SAMMSON: variants seen among roughly 807,000 people sequenced by gnomAD.
The protein encoded by SAMMSON is survival associated mitochondrial melanoma specific oncogenic non-coding RNA.
intron 4 of SAMMSON, among the ~76,000 whole-genome samples, chr3:70,190,586 C>T (rs928970383): frequency 4.6e-5 from 7 of 152,136 alleles, no homozygotes; most frequent in Admixed American, 6.5e-5. Context: ...TATTCAAGTA[C>T]GTTTGGTTAC....
chr3:70,059,929 C>T (rs1176070257), intron 3 of SAMMSON, among the ~76,000 whole-genome samples: 2 of 152,088 alleles, frequency 1.3e-5, no homozygotes, highest in African/African-American at 4.8e-5. Context: ...GACAGACTGT[C>T]TTGAAGATCC....
At chr3:70,386,913 A>C (rs1252963765) in intron 9 of SAMMSON, among the ~76,000 whole-genome samples, 1 of 152,112 alleles carries the variant, frequency 6.6e-6, no homozygotes, top group Non-Finnish European at 1.5e-5. Context: ...AAAAGATGGC[A>C]GTGTGCCTTC....
At chr3:70,428,296 T>G (rs186878747) in intron 2 of SAMMSON, among the ~76,000 whole-genome samples, 1 of 152,064 alleles carries the variant, frequency 6.6e-6, no homozygotes, top group African/African-American at 2.4e-5. Flanking sequence ...GCCAAAAAAA[T>G]TTTTTTGAAG....
chr3:70,352,110 CA>C (rs71126499), intron 7 of SAMMSON, among the ~76,000 whole-genome samples: 3,455 of 138,886 alleles, frequency 0.025, 52 homozygotes, highest in East Asian at 0.064. Context: ...CTCAATCTGG[CA>C]AAAAAAAAAA....
chr3:70,154,727 A>G (rs1238186023), intron 4 of SAMMSON, among the ~76,000 whole-genome samples: 1 of 152,108 alleles, frequency 6.6e-6, no homozygotes, highest in Non-Finnish European at 1.5e-5. Flanking sequence ...GGGTAGTTAT[A>G]TAAGCTGAAC....
At chr3:70,177,536 T>C (rs1296427340) in intron 4 of SAMMSON, among the ~76,000 whole-genome samples, 1 of 152,210 alleles carries the variant, frequency 6.6e-6, no homozygotes, top group Non-Finnish European at 1.5e-5. Flanking sequence ...ATGGACAATG[T>C]ATAATATGCT....
chr3:70,247,685 T>C (rs993933146), intron 4 of SAMMSON, among the ~76,000 whole-genome samples: 1 of 151,974 alleles, frequency 6.6e-6, no homozygotes, highest in African/African-American at 2.4e-5. Context: ...TCATTATCAT[T>C]GGTTTTGTTT....
intron 1 of SAMMSON, among the ~76,000 whole-genome samples, chr3:70,011,805 A>C (rs919598417): frequency 6.6e-6 from 1 of 152,122 alleles, no homozygotes; most frequent in Non-Finnish European, 1.5e-5. Flanking sequence ...GCTATTATGA[A>C]GTATGGAAAG....
chr3:70,177,635 T>G (rs1701017821), intron 4 of SAMMSON, among the ~76,000 whole-genome samples: 1 of 152,196 alleles, frequency 6.6e-6, no homozygotes, highest in Non-Finnish European at 1.5e-5. Flanking sequence ...TAAAATTTAT[T>G]GAGAATTTAC....
chr3:70,328,938 A>G (rs1291629970), intron 7 of SAMMSON, among the ~76,000 whole-genome samples: 2 of 152,184 alleles, frequency 1.3e-5, no homozygotes, highest in Non-Finnish European at 2.9e-5. Context: ...AAAATGACAC[A>G]TTACACAGAA....
At position 70,419,003 on chromosome 3, in the gene SAMMSON, T is replaced by TCTCTC. The variant is rs1559585606; in HGVS notation, n.234-43557_234-43556insCTCTC. Among the ~76,000 whole-genome samples, 52 of 83,370 alleles carry TCTCTC rather than the reference T, an allele frequency of 6.2e-4. 1 individual carries two copies. Among genetic ancestry groups the TCTCTC allele is most frequent in the African/African-American group, 2.1e-3 (49 of 22,882 alleles). 54.7% of individuals were successfully genotyped at this position (83,370 alleles called of 152,430 possible). A position where few individuals can be genotyped will look rare whatever the true frequency, so the allele number is the denominator to read the frequency against. ...CTTCTCTCTCTCTCTCTCTCTCTCT[T>TCTCTC]TCTTTCTTTCTTTCCTTCTTTCTTT... On this transcript the variant is annotated intron_variant and non_coding_transcript_variant, in intron 2 of 3. Coordinates refer to the SAMMSON transcript ENST00000641053.
chr3:70,267,658 C>T (rs1267845511), intron 6 of SAMMSON, among the ~76,000 whole-genome samples: 1 of 150,406 alleles, frequency 6.6e-6, no homozygotes, highest in Non-Finnish European at 1.5e-5. Context: ...CCTCGAGGTC[C>T]GCCTGCCTCG....
chr3:70,080,212 A>G (rs536073643), intron 4 of SAMMSON, among the ~76,000 whole-genome samples: 53 of 152,324 alleles, frequency 3.5e-4, no homozygotes, highest in African/African-American at 1.3e-3. Context: ...CGAGTTGTAC[A>G]ACCCTTCTAG....
chr3:70,350,871 C>G (rs1277863713), intron 7 of SAMMSON, among the ~76,000 whole-genome samples: 1 of 152,032 alleles, frequency 6.6e-6, no homozygotes, highest in East Asian at 1.9e-4. Context: ...TGAGTTGAGA[C>G]TTAAATGATG....
intron 7 of SAMMSON, among the ~76,000 whole-genome samples, chr3:70,295,391 T>A (rs1381806304): frequency 6.6e-6 from 1 of 152,176 alleles, no homozygotes; most frequent in African/African-American, 2.4e-5. Context: ...TTGACTGAAT[T>A]ATTCCCAAAG....
In SAMMSON at chr3:70,274,090, TGCGC is replaced by T. The variant is rs1187285721; in HGVS notation, n.675-17082_675-17079del. Among the ~76,000 whole-genome samples the T allele has an allele frequency of 1.3e-4, 19 of 145,060 alleles. 1 individual carries two copies. The South Asian group carries it at 3.3e-3, about 25-fold the overall frequency. ...GTGTGTGTGTGTGTGTGTGTGTGTGTGCGCGCGCGCATGTGTGTGTGTGAGACTG... is the reference window on the plus strand; with the variant it reads ...GTGTGTGTGTGTGTGTGTGTGTGTGTGCGCGCATGTGTGTGTGTGAGACTG... On this transcript the variant is annotated intron_variant and non_coding_transcript_variant, in intron 6 of 9. Coordinates refer to ENST00000642114, the Ensembl canonical transcript of SAMMSON.
At chr3:70,294,275 C>G (rs1004302255) in intron 7 of SAMMSON, among the ~76,000 whole-genome samples, 1 of 151,144 alleles carries the variant, frequency 6.6e-6, no homozygotes, top group Non-Finnish European at 1.5e-5. Flanking sequence ...AAAACATTTT[C>G]TTTTTTGCTA....
chr3:70,350,600 T>C (rs564638699), intron 7 of SAMMSON, among the ~76,000 whole-genome samples: 250 of 152,264 alleles, frequency 1.6e-3, no homozygotes, highest in African/African-American at 5.6e-3. Flanking sequence ...TAATTGTAAA[T>C]ATAAAACTAT....
At chr3:70,325,410 T>G (rs571832027) in intron 7 of SAMMSON, among the ~76,000 whole-genome samples, 44 of 152,166 alleles carry the variant, frequency 2.9e-4, no homozygotes, top group Admixed American at 1.8e-3. Context: ...TCTGATTAGC[T>G]GACAAAAGTT....
Sources: allele counts gnomAD v4.1 joint callset (sites outside exome capture counted in the v4.1 genomes callset), GRCh38; gene constraint gnomAD v4.1.1; transcripts MANE v1.5; gene names NCBI Gene and HGNC (gene_info 2026-07-23, HGNC 2026-07-21).